The following SHE variants were observed in gnomAD, a reference collection of about 807,000 sequenced individuals.
SHE encodes the protein SH2 domain-containing adapter protein E.
Under a neutral mutation model 49.8 loss-of-function variants are expected in SHE, and 11 were observed. That is an observed-to-expected ratio of 0.22 (90% CI 0.14 to 0.37). The LOEUF (loss-of-function observed/expected upper bound fraction) is 0.37, where lower values mean the gene tolerates loss of function less well. Ranked by LOEUF, SHE falls within the 10% of genes least tolerant of loss-of-function variation. The probability of loss-of-function intolerance (pLI) is 1.00; values close to 1 mark genes in which losing one functional copy is unlikely to be tolerated. For synonymous variants in SHE, 310 were observed against 278.1 expected (o/e 1.11, Z -1.14); for missense variants, 624 against 655.5 (o/e 0.95, Z 0.52).
chr1:154,501,306 T>C (rs1425655911), intron 1 of SHE, 130 bp downstream of exon 1: 2 of 806,254 alleles, frequency 2.5e-6, no homozygotes, highest in African/African-American at 3.4e-5. Context: ...AATTCCCAAA[T>C]GGTGGAGGGA....
At chr1:154,470,408 A>G (rs1557790696) in intron 1 of SHE, 1 of 1,288,494 alleles carries the variant, frequency 7.8e-7, no homozygotes, top group Non-Finnish European at 1.0e-6. Context: ...GCAGCCTTCT[A>G]AGAAAGCATT....
At chr1:154,475,428 C>A (rs1029978021), downstream of SHE, among the ~76,000 whole-genome samples, 25 of 152,194 alleles carry the variant, frequency 1.6e-4, no homozygotes, top group African/African-American at 5.5e-4. Context: ...CTCAGGTGAT[C>A]CACCTGCCTC....
At chr1:154,484,525 C>A in intron 5 of SHE, 190 bp from the exon 6 acceptor site, 1 of 544,476 alleles carries the variant, frequency 1.8e-6, no homozygotes, top group Non-Finnish European at 3.3e-6. Context: ...CGCATGTAAT[C>A]CTTGAGTGGT....
intron 2 of SHE, among the ~76,000 whole-genome samples, chr1:154,498,195 C>A (rs1692595155): frequency 7.0e-6 from 1 of 143,320 alleles, no homozygotes; most frequent in African/African-American, 2.5e-5. Context: ...CAGGTTCAAG[C>A]AATTCTCCTA....
rs1268336483 is a variant in SHE at position 154,480,288 on chromosome 1, C to A, written c.*3861G>T. 5 of 985,336 alleles carry A rather than the reference C, an allele frequency of 5.1e-6. No individual in the cohort carries two copies. Among genetic ancestry groups the A allele is most frequent in the Non-Finnish European group, 6.0e-6 (5 of 829,934 alleles). 61.0% of individuals were successfully genotyped at this position (985,336 alleles called of 1,614,324 possible). A position where few individuals can be genotyped will look rare whatever the true frequency, so the allele number is the denominator to read the frequency against. ...GGGGTGCGGGGAAGGGAAATGAAAT[C>A]GACATCACTGCACTCCCTAAACCCT... On this transcript the variant is annotated 3_prime_UTR_variant, in exon 6 of 6. Transcript: ENST00000304760.
At position 154,501,902 on chromosome 1, in the gene SHE, A is replaced by G; in HGVS notation, c.125T>C (p.Phe42Ser). The change falls in exon 1 of 6, where the codon TTC becomes TCC. Residue 42 changes from phenylalanine (F) to serine (S), a missense_variant. Around this residue, in one of 4 missense-constraint regions of SHE, gnomAD observed 337 missense variants for 306.0 expected, o/e 1.10. Coordinates refer to ENST00000304760, the MANE Select transcript of SHE (RefSeq NM_001010846.3). ...GRGPLMAAKW[F>S]KEFPLNLKTV... Reference sequence around the variant, plus strand: ...CTTCAGGTTCAGGGGGAACTCCTTGAACCACTTGGCCGCCATGAGGGGGCC... The same window carrying G: ...CTTCAGGTTCAGGGGGAACTCCTTGGACCACTTGGCCGCCATGAGGGGGCC... The G allele has an allele frequency of 6.6e-7, 1 of 1,514,574 alleles. No homozygotes were observed. The highest frequency in any genetic ancestry group is 8.8e-7 in the Non-Finnish European group (1 of 1,139,678). 93.8% of individuals were successfully genotyped at this position (1,514,574 alleles called of 1,614,324 possible). A position where few individuals can be genotyped will look rare whatever the true frequency, so the allele number is the denominator to read the frequency against.
chr1:154,493,121 T>C (rs1557800891), intron 2 of SHE, among the ~76,000 whole-genome samples: 1 of 152,202 alleles, frequency 6.6e-6, no homozygotes, highest in Non-Finnish European at 1.5e-5. Flanking sequence ...ACACTTAGAG[T>C]TCTGGGAGAT....
At chr1:154,487,166 GGAGGCT>G (rs1692205133) in intron 3 of SHE, among the ~76,000 whole-genome samples, 1 of 151,900 alleles carries the variant, frequency 6.6e-6, no homozygotes, top group South Asian at 2.1e-4. Context: ...CAGCTACTTG[GGAGGCT>G]GAGGCAGGAG....
chr1:154,480,251 G>C lies in SHE; in HGVS notation c.*3898C>G, dbSNP rs549792467. On this transcript the variant is annotated 3_prime_UTR_variant, in exon 6 of 6. Transcript: ENST00000304760. The stretch of plus-strand genomic sequence containing the variant: ...CTGTGAAGGGTTTCAGTGCAATCCT[G>C]CTGAGTGTCAAGGGGTGCGGGGAAG... 148 of 985,450 alleles carry C rather than the reference G, an allele frequency of 1.5e-4. 4 individuals carry two copies. In the South Asian group the frequency reaches 6.4e-3, roughly 43 times the overall value. The allele number at this position is 985,450 out of a possible 1,614,324, so 61.0% of individuals were successfully genotyped here.
downstream of SHE, among the ~76,000 whole-genome samples, chr1:154,478,428 CA>C (rs10594379): frequency 0.19 from 21,464 of 113,236 alleles, 1,712 homozygotes; most frequent in Non-Finnish European, 0.21. Flanking sequence ...ATAAAAAGTG[CA>C]AAAAAAAAAA....
Position 154,479,637 on chromosome 1 carries a change from A to G in SHE, c.*4512T>C, listed in dbSNP as rs1324455555. On this transcript the variant is annotated 3_prime_UTR_variant, in exon 6 of 6. Transcript: ENST00000304760. The stretch of plus-strand genomic sequence containing the variant: ...CACTATAGATAGACACCTATATTAC[A>G]TACAATCTTCAAACATTTTTAAAAG... 2 of 966,366 alleles carry G rather than the reference A, an allele frequency of 2.1e-6. No homozygotes were observed. The highest frequency in any genetic ancestry group is 3.5e-5 in the African/African-American group (2 of 56,922). The allele number at this position is 966,366 out of a possible 1,614,324, so 59.9% of individuals were successfully genotyped here.
chr1:154,484,312 A>G lies in SHE; in HGVS notation c.1325T>C (p.Ile442Thr). 1 of 1,613,956 alleles carries G rather than the reference A, an allele frequency of 6.2e-7. No homozygotes were observed. The highest frequency in any genetic ancestry group is 8.5e-7 in the Non-Finnish European group (1 of 1,179,830). The change falls in exon 6 of 6, where the codon ATC becomes ACC. Residue 442 changes from isoleucine to threonine, a missense_variant. Physicochemically the swap from Ile to Thr is moderately conservative, Grantham distance 89. Transcript: ENST00000304760. The part of the protein sequence containing the change: ...ALKTSQGCVH[I>T]IVAQTKDNKY... ...GTTGTCTTTGGTCTGAGCCACTATG[A>G]TGTGGACACATCCTTGACTAGTCCT...
chr1:154,487,270 C>CA (rs200850658), intron 3 of SHE, among the ~76,000 whole-genome samples: 24,494 of 87,070 alleles, frequency 0.28, 2,363 homozygotes, highest in Middle Eastern at 0.34. Context: ...GACTCCGTCT[C>CA]AAAAAAAAAA....
downstream of SHE, among the ~76,000 whole-genome samples, chr1:154,478,158 G>A (rs751264904): frequency 6.6e-6 from 1 of 152,138 alleles, no homozygotes; most frequent in African/African-American, 2.4e-5. Context: ...AGTTATGGGA[G>A]TAGCAAGATA....
At chr1:154,498,455 T>C (rs975018480) in intron 2 of SHE, among the ~76,000 whole-genome samples, 1 of 150,422 alleles carries the variant, frequency 6.6e-6, no homozygotes, top group African/African-American at 2.5e-5. Context: ...TGGAGTGCAG[T>C]GGCGCAATCT....
At chr1:154,473,976 A>G (rs1285964469) in intron 1 of SHE, among the ~76,000 whole-genome samples, 1 of 152,196 alleles carries the variant, frequency 6.6e-6, no homozygotes, top group Non-Finnish European at 1.5e-5. Context: ...TGCCCACGCT[A>G]GTTAAGAGGC....
intron 2 of SHE, among the ~76,000 whole-genome samples, chr1:154,493,400 G>A (rs1692426887): frequency 6.6e-6 from 1 of 152,184 alleles, no homozygotes; most frequent in Non-Finnish European, 1.5e-5. Flanking sequence ...AATAGCCCCT[G>A]ACGTGCAGAG....
chr1:154,484,503 TCA>T (rs1416578483), intron 5 of SHE, 168 bp from the exon 6 acceptor site: 3 of 596,924 alleles, frequency 5.0e-6, no homozygotes, highest in Non-Finnish European at 5.8e-6. Context: ...CTCAGAAATT[TCA>T]CAGTCTAAAC....
In SHE at chr1:154,501,851, C is replaced by A. The variant is rs763277165; in HGVS notation, c.176G>T (p.Gly59Val). 2 of 1,538,626 alleles carry A rather than the reference C, an allele frequency of 1.3e-6. No homozygotes were observed. Among genetic ancestry groups the A allele is most frequent in the East Asian group, 2.5e-5 (1 of 40,692 alleles). Residue 59 changes from glycine to valine, a missense_variant, in exon 1 of 6, where the codon GGG becomes GTG. This residue lies in a region of SHE where 337 missense variants were observed against 306.0 expected (regional missense o/e 1.10). Coordinates refer to ENST00000304760, the MANE Select transcript of SHE (RefSeq NM_001010846.3). ...LKTVSERAKP[G>V]GGGGKLRKNS... is the part of the protein sequence containing the mutation. ...CTTGCGCAATTTGCCGCCGCCGCCC[C>A]CGGGCTTGGCCCGCTCCGACACGGT... is the stretch of plus-strand genomic sequence containing the variant.
Sources: gnomAD v4.1 joint callset for allele counts (sites outside exome capture counted in the v4.1 genomes callset) on GRCh38, gnomAD v4.1.1 for gene constraint, gnomAD v4.1.1 regional missense constraint, MANE v1.5 for transcripts, NCBI Gene and HGNC (gene_info 2026-07-23, HGNC 2026-07-21) for gene names.